The following ST3GAL1 variants were observed in gnomAD, a reference collection of about 807,000 sequenced individuals.
ST3GAL1 encodes CMP-N-acetylneuraminate-beta-galactosamide-alpha-2,3-sialyltransferase 1.
Under a neutral mutation model 34.1 loss-of-function variants are expected in ST3GAL1, and 16 were observed. The observed-to-expected ratio is 0.47, with a 90% CI of 0.32 to 0.71. ST3GAL1 has a LOEUF of 0.71. Ranked by LOEUF, ST3GAL1 falls within the 30% of genes least tolerant of loss-of-function variation. ST3GAL1 has a pLI of 0.04. For synonymous variants in ST3GAL1, 191 were observed against 184.7 expected (o/e 1.03, Z -0.28); for missense variants, 353 against 447.4 (o/e 0.79, Z 1.90).
chr8:133,484,558 GGAA>G, intron 3 of ST3GAL1, among the ~76,000 whole-genome samples: 1 of 152,320 alleles, frequency 6.6e-6, no homozygotes, highest in South Asian at 2.1e-4. Context: ...TGGGTCCCCA[GGAA>G]GAAGATGCTG....
chr8:133,496,525 A>G (rs1444585888), intron 3 of ST3GAL1, among the ~76,000 whole-genome samples: 3 of 152,218 alleles, frequency 2.0e-5, no homozygotes, highest in Non-Finnish European at 4.4e-5. Context: ...TAGCATTTCC[A>G]GATCACAGAG....
chr8:133,551,293 C>A (rs911542478), intron 1 of ST3GAL1, among the ~76,000 whole-genome samples: 1 of 152,008 alleles, frequency 6.6e-6, no homozygotes, highest in African/African-American at 2.4e-5. Flanking sequence ...CATGGTGAAG[C>A]CCCGTCTCTA....
intron 2 of ST3GAL1, among the ~76,000 whole-genome samples, chr8:133,506,956 T>TAATAAATA (rs58208913): frequency 0.22 from 32,732 of 147,820 alleles, 3,846 homozygotes; most frequent in African/African-American, 0.26. Context: ...AATAAATAAA[T>TAATAAATA]AATAAATAAA....
chr8:133,524,737 G>A (rs1817912979), intron 2 of ST3GAL1, among the ~76,000 whole-genome samples: 1 of 152,262 alleles, frequency 6.6e-6, no homozygotes, highest in South Asian at 2.1e-4. Flanking sequence ...GGCTGGACCA[G>A]ATGTACCACA....
intron 2 of ST3GAL1, among the ~76,000 whole-genome samples, chr8:133,505,033 G>T (rs574395066): frequency 6.6e-6 from 1 of 152,138 alleles, no homozygotes. Context: ...ACACCTGGGG[G>T]TGGTCAATGA....
intron 2 of ST3GAL1, among the ~76,000 whole-genome samples, chr8:133,535,505 T>C (rs1818282958): frequency 6.7e-6 from 1 of 149,102 alleles, no homozygotes. Flanking sequence ...TGGCATTTTT[T>C]AGCAAGAAAG....
rs148033363 is a variant in ST3GAL1, at chr8:133,557,716, C to T, written c.-581-11790G>A. Among the ~76,000 whole-genome samples the T allele has an allele frequency of 1.5e-3, 225 of 152,184 alleles. 3 individuals carry two copies. In the East Asian group the frequency reaches 0.032, roughly 21 times the overall value. ...TACAAAAATTAGCCAGGCGTGGTGG[C>T]GCGTGCCTGTAATCCCAGCTACTTA... is the stretch of plus-strand genomic sequence containing the variant. On this transcript the variant is annotated intron_variant, in intron 1 of 9. Transcript: ENST00000522652.
At chr8:133,513,501 A>G (rs1817555165) in intron 2 of ST3GAL1, among the ~76,000 whole-genome samples, 1 of 152,242 alleles carries the variant, frequency 6.6e-6, no homozygotes, top group Admixed American at 6.5e-5. Context: ...GTCTGTGTAC[A>G]CAGTGTCCAC....
At chr8:133,475,347 C>T (rs917080969) in intron 5 of ST3GAL1, among the ~76,000 whole-genome samples, 1 of 152,204 alleles carries the variant, frequency 6.6e-6, no homozygotes, top group African/African-American at 2.4e-5. Context: ...GACTTCTGGC[C>T]TCCAGAGCTG....
At chr8:133,462,410 G>A (rs1212605945) in intron 8 of ST3GAL1, among the ~76,000 whole-genome samples, 1 of 152,132 alleles carries the variant, frequency 6.6e-6, no homozygotes, top group Non-Finnish European at 1.5e-5. Flanking sequence ...TGGAATCATC[G>A]CCAATCCTTA....
intron 2 of ST3GAL1, among the ~76,000 whole-genome samples, chr8:133,506,573 T>C (rs1817344851): frequency 6.8e-6 from 1 of 146,106 alleles, no homozygotes; most frequent in Non-Finnish European, 1.5e-5. Context: ...TCACCAGAGG[T>C]CAGGAGTTCG....
At chr8:133,476,978 G>A (rs182401701) in intron 3 of ST3GAL1, among the ~76,000 whole-genome samples, 1 of 152,302 alleles carries the variant, frequency 6.6e-6, no homozygotes, top group Admixed American at 6.5e-5. Context: ...CCAGATTTTG[G>A]ATTTCAGCAA....
At chr8:133,478,744 G>A (rs1367240898) in intron 3 of ST3GAL1, among the ~76,000 whole-genome samples, 2 of 152,146 alleles carry the variant, frequency 1.3e-5, no homozygotes, top group Non-Finnish European at 2.9e-5. Flanking sequence ...TGAGTTAGGG[G>A]CCTCTCCTGG....
intron 3 of ST3GAL1, among the ~76,000 whole-genome samples, chr8:133,483,687 T>G: frequency 6.6e-6 from 1 of 152,190 alleles, no homozygotes; most frequent in East Asian, 1.9e-4. Context: ...TCTACTCCCG[T>G]GGCCAAGACC....
intron 2 of ST3GAL1, among the ~76,000 whole-genome samples, chr8:133,520,816 GGCTAAAGT>G (rs1817783305): frequency 6.7e-6 from 1 of 148,838 alleles, no homozygotes; most frequent in Non-Finnish European, 1.5e-5. Context: ...TTGTCGTCCA[GGCTAAAGT>G]GCTATGGTGC....
intron 3 of ST3GAL1, among the ~76,000 whole-genome samples, chr8:133,498,841 G>T (rs1817056765): frequency 6.6e-6 from 1 of 152,180 alleles, no homozygotes; most frequent in African/African-American, 2.4e-5. Context: ...ACAGACCCAG[G>T]CTCCTGCTGG....
At chr8:133,471,550 CTG>C (rs1351616340) in intron 5 of ST3GAL1, among the ~76,000 whole-genome samples, 1 of 152,206 alleles carries the variant, frequency 6.6e-6, no homozygotes, top group Non-Finnish European at 1.5e-5. Flanking sequence ...GGTGAGGAAA[CTG>C]AGGCTTACAG....
intron 3 of ST3GAL1, among the ~76,000 whole-genome samples, chr8:133,482,640 G>A (rs1029409065): frequency 8.5e-5 from 13 of 152,210 alleles, no homozygotes; most frequent in Non-Finnish European, 1.6e-4. Flanking sequence ...CAACACATCC[G>A]GGGACTTCCC....
chr8:133,497,791 AC>A (rs372358277), intron 3 of ST3GAL1, among the ~76,000 whole-genome samples: 12 of 151,734 alleles, frequency 7.9e-5, no homozygotes, highest in African/African-American at 2.7e-4. Context: ...TTGCTACACA[AC>A]CCCCACCCCA....
Sources: allele counts gnomAD v4.1 joint callset (sites outside exome capture counted in the v4.1 genomes callset), GRCh38; gene constraint gnomAD v4.1.1; transcripts MANE v1.5; gene names NCBI Gene and HGNC (gene_info 2026-07-23, HGNC 2026-07-21).